NAV2: variants seen among roughly 807,000 people sequenced by gnomAD.
NAV2 encodes the protein neuron navigator 2.
NAV2 carries 54 observed loss-of-function variants against 223.2 expected under a neutral mutation model. The ratio of observed to expected loss-of-function variants is 0.24; its 90% CI spans 0.19 to 0.30. The LOEUF (loss-of-function observed/expected upper bound fraction) is 0.30. Ranked by LOEUF, NAV2 falls within the 10% of genes least tolerant of loss-of-function variation. NAV2 has a pLI of 1.00. For missense variants in NAV2, 2,806 were observed against 3,147.5 expected (o/e 0.89, Z 2.60); for synonymous variants, 1,279 against 1,239.3 (o/e 1.03, Z -0.67).
chr11:19,970,288 G>A (rs191689041), intron 10 of NAV2, among the ~76,000 whole-genome samples: 79 of 152,186 alleles, frequency 5.2e-4, no homozygotes, highest in African/African-American at 1.8e-3. Flanking sequence ...CCTGTCTCAC[G>A]CTCCCAAATA....
chr11:20,112,472 G>T (rs982175618), intron 36 of NAV2, among the ~76,000 whole-genome samples: 1 of 152,192 alleles, frequency 6.6e-6, no homozygotes, highest in African/African-American at 2.4e-5. Flanking sequence ...TCTGAGAAGG[G>T]GCAGGGTGGG....
At chr11:19,399,186 C>T (rs148460971) in intron 1 of NAV2, among the ~76,000 whole-genome samples, 1 of 152,282 alleles carries the variant, frequency 6.6e-6, no homozygotes, top group African/African-American at 2.4e-5. Context: ...AAACACAGTT[C>T]TGTGTTCCCC....
rs1592141675 is a variant in NAV2, at chr11:20,099,187, T to G, written c.6181+1442T>G. On this transcript the variant is annotated intron_variant, in intron 31 of 37. Coordinates refer to ENST00000349880, the MANE Select transcript of NAV2 (RefSeq NM_145117.5). Reference sequence around the variant, plus strand: ...GAATTGGTGGAGTTGCTGGATTGGTTCCACTTGAACCACCAGGAATGAGCT... The same window carrying G: ...GAATTGGTGGAGTTGCTGGATTGGTGCCACTTGAACCACCAGGAATGAGCT... 2.6e-5 allele frequency among the ~76,000 whole-genome samples: 4 copies of G among 152,244 alleles called. No individual in the cohort carries two copies. In the South Asian group the frequency reaches 8.3e-4, roughly 32 times the overall value.
In NAV2 at chr11:19,817,397, AC is replaced by A. The variant is rs140988933; in HGVS notation, c.268-15085del. ...TCTCTGCCAGAGCTGTGTGCCTGGG[AC>A]CTAGTAAGCCCTGATGGAATGGAAT... On this transcript the variant is annotated intron_variant, in intron 1 of 37. Coordinates refer to ENST00000349880, the MANE Select transcript of NAV2 (RefSeq NM_145117.5). Among the ~76,000 whole-genome samples the A allele has an allele frequency of 4.7e-3, 722 of 152,208 alleles. 4 individuals carry two copies. The highest frequency in any genetic ancestry group is 0.016 in the African/African-American group (673 of 41,510).
At chr11:19,796,552 C>T (rs2057910475) in intron 1 of NAV2, among the ~76,000 whole-genome samples, 1 of 152,176 alleles carries the variant, frequency 6.6e-6, no homozygotes, top group South Asian at 2.1e-4. Flanking sequence ...ATCTTCCTCC[C>T]TGACAAGGTC....
intron 1 of NAV2, among the ~76,000 whole-genome samples, chr11:19,447,686 G>T (rs1440634433): frequency 1.3e-5 from 2 of 152,190 alleles, no homozygotes; most frequent in Non-Finnish European, 2.9e-5. Context: ...TGCCTCATGG[G>T]CAGAGACCGT....
chr11:20,100,365 G>A (rs76692792), intron 31 of NAV2, among the ~76,000 whole-genome samples: 1,893 of 152,214 alleles, frequency 0.012, 42 homozygotes, highest in African/African-American at 0.043. Context: ...AAATGATCCC[G>A]CCTTGCATTT....
intron 1 of NAV2, among the ~76,000 whole-genome samples, chr11:19,706,942 C>T (rs2049682293): frequency 6.6e-6 from 1 of 152,144 alleles, no homozygotes. Flanking sequence ...GCCTGTATAG[C>T]ATGTTGATGT....
chr11:19,345,567 C>T, the NAV2 span, among the ~76,000 whole-genome samples: 1 of 152,212 alleles, frequency 6.6e-6, no homozygotes, highest in East Asian at 1.9e-4. This position sits in a 1 kb window ranked among gnomAD's most constrained non-coding sequence, Gnocchi z 5.2. Flanking sequence ...TCAAGCCACC[C>T]GGCCGCAGCA....
intron 1 of NAV2, among the ~76,000 whole-genome samples, chr11:19,617,858 G>T (rs2046845078): frequency 6.6e-6 from 1 of 152,120 alleles, no homozygotes. Flanking sequence ...AGGCCATGCT[G>T]CTCCAGTCAC....
At chr11:19,748,145 A>G (rs1171919063) in intron 1 of NAV2, among the ~76,000 whole-genome samples, 2 of 152,114 alleles carry the variant, frequency 1.3e-5, no homozygotes, top group Non-Finnish European at 2.9e-5. Context: ...GAGAGATTGG[A>G]TTTCCTTCAA....
chr11:19,685,787 G>A (rs2049005914), intron 1 of NAV2, among the ~76,000 whole-genome samples: 1 of 152,110 alleles, frequency 6.6e-6, no homozygotes, highest in African/African-American at 2.4e-5. Context: ...AAATGAAGGT[G>A]CACCAGTCTC....
chr11:19,914,341 A>G (rs1279214028), intron 6 of NAV2, among the ~76,000 whole-genome samples: 2 of 152,264 alleles, frequency 1.3e-5, no homozygotes, highest in South Asian at 2.1e-4. Context: ...TGTTCTGCCG[A>G]AATACTTGCA....
chr11:19,474,042 A>G (rs2632036), intron 1 of NAV2, among the ~76,000 whole-genome samples: 123,059 of 152,066 alleles, frequency 0.81, 49,947 homozygotes, highest in Non-Finnish European at 0.85. Flanking sequence ...CCTTACACAT[A>G]GCCCTCTCTA....
chr11:19,905,741 G>A (rs1336815621), intron 6 of NAV2, among the ~76,000 whole-genome samples: 1 of 152,130 alleles, frequency 6.6e-6, no homozygotes, highest in Middle Eastern at 3.2e-3. Flanking sequence ...CTAGGGCAAG[G>A]ATTCTTACCT....
rs1053267115 is a variant in NAV2 at position 19,435,719 on chromosome 11, T to C, written c.75+84692T>C. 2.0e-5 allele frequency among the ~76,000 whole-genome samples: 3 copies of C among 152,164 alleles called. No individual in the cohort carries two copies. In the East Asian group the frequency reaches 5.8e-4, roughly 29 times the overall value. ...GTGTACAAGCGTTCTCTTTCTTCCA[T>C]AGTCTCACCAACACTTGTCATCTTT... On this transcript the variant is annotated intron_variant, in intron 1 of 37. Transcript: ENST00000360655.
rs577439755 is a variant in NAV2, at chr11:19,620,469, C to T, written c.76-212015C>T. Among the ~76,000 whole-genome samples, 455 of 152,156 alleles carry T rather than the reference C, an allele frequency of 3.0e-3. 5 individuals are homozygous for T. Among genetic ancestry groups the T allele is most frequent in the African/African-American group, 0.011 (436 of 41,514 alleles). ...GGTTTGTAGTTCTCCTTGAAGAGGT[C>T]CTTCACATCCCTTGTAAGTTGGATT... On this transcript the variant is annotated intron_variant, in intron 1 of 37. Coordinates refer to the NAV2 transcript ENST00000360655.
chr11:19,956,760 A>G (rs986009103), intron 10 of NAV2, among the ~76,000 whole-genome samples: 4 of 152,010 alleles, frequency 2.6e-5, no homozygotes, highest in Non-Finnish European at 5.9e-5. Flanking sequence ...TGGAGACTCT[A>G]TTATGTAGGC....
At chr11:20,027,472 G>C (rs1207766157) in intron 11 of NAV2, 1 of 985,202 alleles carries the variant, frequency 1.0e-6, no homozygotes, top group Admixed American at 6.1e-5. Flanking sequence ...GAGCAGGTAA[G>C]TCCTGGATGC....
Sources: allele counts gnomAD v4.1 joint callset (sites outside exome capture counted in the v4.1 genomes callset), GRCh38; gene constraint gnomAD v4.1.1; non-coding constraint Gnocchi (gnomAD v3.1); transcripts MANE v1.5; gene names NCBI Gene and HGNC (gene_info 2026-07-23, HGNC 2026-07-21).